Variants in ANKRD11 observed in about 807,000 individuals in gnomAD.
ANKRD11 encodes ankyrin repeat domain-containing protein 11.
Under a neutral mutation model 195.7 loss-of-function variants are expected in ANKRD11, and 17 were observed. The observed-to-expected ratio is 0.09, with a 90% CI of 0.06 to 0.13. The LOEUF (loss-of-function observed/expected upper bound fraction) is 0.13, where lower values mean the gene tolerates loss of function less well. ANKRD11 is among the 10% of genes least tolerant of loss of function. The probability of loss-of-function intolerance (pLI) is 1.00; values close to 1 mark genes in which losing one functional copy is unlikely to be tolerated. For synonymous variants in ANKRD11, 1,953 were observed against 1,528.1 expected (o/e 1.28, Z -6.49); for missense variants, 3,735 against 3,566.1 (o/e 1.05, Z -1.21).
chr16:89,393,709 G>C (rs759628964), intron 2 of ANKRD11, among the ~76,000 whole-genome samples: 6 of 151,968 alleles, frequency 3.9e-5, no homozygotes, highest in Admixed American at 6.6e-5. Flanking sequence ...AGGGGAAGCA[G>C]CCGGGCCGAT....
chr16:89,418,458 C>T (rs1038640742), intron 1 of ANKRD11, 90 bp from the exon 2 acceptor site: 23 of 364,592 alleles, frequency 6.3e-5, no homozygotes, highest in South Asian at 4.1e-5. Flanking sequence ...TTGGTCCACA[C>T]GGTTTATTCC....
intron 2 of ANKRD11, among the ~76,000 whole-genome samples, chr16:89,397,726 A>C (rs1287857621): frequency 6.6e-6 from 1 of 152,230 alleles, no homozygotes; most frequent in African/African-American, 2.4e-5. Context: ...TGTCAAGATG[A>C]AGATGATGCA....
intron 12 of ANKRD11, among the ~76,000 whole-genome samples, chr16:89,269,770 AT>A (rs1241704494): frequency 6.6e-6 from 1 of 151,742 alleles, no homozygotes; most frequent in Non-Finnish European, 1.5e-5. Context: ...TAATTTTTGT[AT>A]TTTTACTAGA....
At chr16:89,396,448 C>G (rs1230287703) in intron 2 of ANKRD11, among the ~76,000 whole-genome samples, 2 of 152,188 alleles carry the variant, frequency 1.3e-5, no homozygotes, top group African/African-American at 4.8e-5. Context: ...AGCACAAACA[C>G]CTGCTGGGTT....
At chr16:89,477,190 T>TC (rs1281362549) in intron 1 of ANKRD11, among the ~76,000 whole-genome samples, 31 of 149,644 alleles carry the variant, frequency 2.1e-4, no homozygotes, top group Non-Finnish European at 3.4e-4. Context: ...TTAAGTCATT[T>TC]CCCCTTTTTT....
intron 1 of ANKRD11, among the ~76,000 whole-genome samples, chr16:89,441,483 C>T (rs932462377): frequency 1.3e-5 from 2 of 151,346 alleles, no homozygotes; most frequent in Non-Finnish European, 2.9e-5. Context: ...AATACGCAAA[C>T]CTGGCCGGGC....
chr16:89,477,929 G>C (rs1168558416), intron 1 of ANKRD11, among the ~76,000 whole-genome samples: 2 of 152,138 alleles, frequency 1.3e-5, no homozygotes, highest in East Asian at 3.9e-4. Context: ...CTGCACTCCA[G>C]TCTGGGGACA....
chr16:89,313,095 G>C (rs2036704065), intron 3 of ANKRD11, among the ~76,000 whole-genome samples: 1 of 152,198 alleles, frequency 6.6e-6, no homozygotes, highest in Non-Finnish European at 1.5e-5. Flanking sequence ...GTCTCAGTGG[G>C]GCTGTGAATG....
At chr16:89,299,772 G>T (rs1447541794) in intron 4 of ANKRD11, 8 of 174,144 alleles carry the variant, frequency 4.6e-5, no homozygotes, top group Admixed American at 8.4e-5. Flanking sequence ...GCCCTGTGTG[G>T]GGTGCGTGGG....
At chr16:89,275,316 C>T in intron 9 of ANKRD11, 125 bp from the exon 10 acceptor site, 1 of 743,346 alleles carries the variant, frequency 1.3e-6, no homozygotes, top group Non-Finnish European at 2.2e-6. Context: ...CTGGAGGCCT[C>T]CTCCAGTCCC....
chr16:89,458,122 G>T (rs1243996742), intron 1 of ANKRD11, among the ~76,000 whole-genome samples: 1 of 151,966 alleles, frequency 6.6e-6, no homozygotes, highest in South Asian at 2.1e-4. Flanking sequence ...AAAGCTTTCT[G>T]AAACGGTGCT....
At chr16:89,479,130 G>A (rs183357144) in intron 1 of ANKRD11, among the ~76,000 whole-genome samples, 84 of 152,040 alleles carry the variant, frequency 5.5e-4, no homozygotes, top group African/African-American at 1.6e-3. Context: ...AGCAAGTCAC[G>A]CCACCACCTA....
At chr16:89,367,283 C>T (rs541345566) in intron 2 of ANKRD11, among the ~76,000 whole-genome samples, 2 of 152,314 alleles carry the variant, frequency 1.3e-5, no homozygotes, top group Admixed American at 6.5e-5. Flanking sequence ...AGACTCCTGC[C>T]GCAGGGGCCA....
intron 1 of ANKRD11, among the ~76,000 whole-genome samples, chr16:89,435,969 T>C (rs1427516765): frequency 6.6e-6 from 1 of 152,204 alleles, no homozygotes; most frequent in African/African-American, 2.4e-5. Flanking sequence ...GTCCTGGAGC[T>C]GTGCTGAGCA....
chr16:89,462,162 C>A (rs2056700406), intron 1 of ANKRD11, among the ~76,000 whole-genome samples: 1 of 152,104 alleles, frequency 6.6e-6, no homozygotes, highest in Non-Finnish European at 1.5e-5. Flanking sequence ...GCCATCTCGG[C>A]TCACTGCAAC....
intron 1 of ANKRD11, among the ~76,000 whole-genome samples, chr16:89,430,123 C>G (rs534496720): frequency 1.7e-4 from 20 of 120,144 alleles, no homozygotes; most frequent in African/African-American, 6.6e-4. Context: ...CTCAGACGTT[C>G]TAGTACACAG....
At chr16:89,414,487 A>G (rs1215658057) in intron 2 of ANKRD11, among the ~76,000 whole-genome samples, 2 of 152,214 alleles carry the variant, frequency 1.3e-5, no homozygotes, top group African/African-American at 2.4e-5. Flanking sequence ...AGCTTCAACT[A>G]CTTTTATACT....
rs1364705691 is a variant in ANKRD11, at chr16:89,279,961, T to C, written c.6581A>G (p.Gln2194Arg). ...CTCTGCAGGGAGCCGGGTGGAGGCC[T>C]GGTCAGGAGGCAGTGCCGGCGGCTC... ...AEEPPALPPDQASTRLPAELE... is the reference protein window; with the variant it reads ...AEEPPALPPDRASTRLPAELE... Residue 2194 changes from glutamine (Q) to arginine (R), a missense_variant, in exon 9 of 13, where the codon CAG becomes CGG. Coordinates refer to ENST00000301030, the MANE Select transcript of ANKRD11 (RefSeq NM_013275.6). The surrounding 1 kb of genome is among the most constrained non-coding windows in gnomAD (Gnocchi z 5.6). The C allele has an allele frequency of 6.2e-7, 1 of 1,610,486 alleles. No homozygotes were observed. The highest frequency in any genetic ancestry group is 8.5e-7 in the Non-Finnish European group (1 of 1,179,876).
At chr16:89,380,729 A>T (rs2040606762) in intron 2 of ANKRD11, among the ~76,000 whole-genome samples, 1 of 152,246 alleles carries the variant, frequency 6.6e-6, no homozygotes, top group Non-Finnish European at 1.5e-5. Context: ...AAGAGAAGTG[A>T]GCAAAGGCAG....
Sources: gnomAD v4.1 joint callset for allele counts (sites outside exome capture counted in the v4.1 genomes callset) on GRCh38, gnomAD v4.1.1 for gene constraint, Gnocchi (gnomAD v3.1) non-coding constraint, MANE v1.5 for transcripts, NCBI Gene and HGNC (gene_info 2026-07-23, HGNC 2026-07-21) for gene names.